Variants in RASAL2 observed in about 807,000 individuals in gnomAD.
RASAL2 encodes the protein ras GTPase-activating protein nGAP.
Under a neutral mutation model 128.9 loss-of-function variants are expected in RASAL2, and 58 were observed. The ratio of observed to expected loss-of-function variants is 0.45; its 90% CI spans 0.36 to 0.56. The LOEUF (loss-of-function observed/expected upper bound fraction) is 0.56, where lower values mean the gene tolerates loss of function less well. Among genes scored for constraint, RASAL2 ranks in the 20% least tolerant of loss-of-function variants. The pLI, the probability that RASAL2 is intolerant of heterozygous loss-of-function variation, is 0.00. For synonymous variants in RASAL2, 561 were observed against 580.8 expected, an observed-to-expected ratio of 0.97 and a Z score of 0.49; for missense variants, 1,360 against 1,601.6, an observed-to-expected ratio of 0.85 and a Z score of 2.57.
chr1:178,420,265 A>T (rs1008509123), intron 4 of RASAL2, among the ~76,000 whole-genome samples: 1 of 152,236 alleles, frequency 6.6e-6, no homozygotes, highest in Non-Finnish European at 1.5e-5. Flanking sequence ...TAATATAAAC[A>T]TTAATAAATA....
At chr1:178,241,206 G>A (rs2102051507) in intron 1 of RASAL2, among the ~76,000 whole-genome samples, 1 of 152,142 alleles carries the variant, frequency 6.6e-6, no homozygotes, top group African/African-American at 2.4e-5. Flanking sequence ...TTATTGATGT[G>A]ATTCATATAC....
At chr1:178,155,079 T>C (rs2101884938) in intron 1 of RASAL2, among the ~76,000 whole-genome samples, 1 of 152,258 alleles carries the variant, frequency 6.6e-6, no homozygotes, top group East Asian at 1.9e-4. Context: ...CGCCTTGGCC[T>C]CCCAAAGTGC....
intron 1 of RASAL2, among the ~76,000 whole-genome samples, chr1:178,227,960 C>A (rs899626234): frequency 6.6e-6 from 1 of 152,000 alleles, no homozygotes; most frequent in Non-Finnish European, 1.5e-5. Flanking sequence ...TTCCTAAATT[C>A]ATTATATATA....
intron 16 of RASAL2, among the ~76,000 whole-genome samples, chr1:178,466,576 GAC>G (rs1647727294): frequency 6.6e-6 from 1 of 152,172 alleles, no homozygotes. Context: ...CTCGACATGG[GAC>G]ACACACCTTT....
intron 4 of RASAL2, among the ~76,000 whole-genome samples, chr1:178,399,879 C>T (rs1306820911): frequency 3.3e-5 from 5 of 152,174 alleles, no homozygotes. Flanking sequence ...CTTCGCTCTG[C>T]TGCCAGAGTG....
At chr1:178,095,186 ACT>A (rs1292353366) in intron 1 of RASAL2, among the ~76,000 whole-genome samples, 2 of 152,048 alleles carry the variant, frequency 1.3e-5, no homozygotes, top group Middle Eastern at 3.2e-3. Context: ...CCTGAACCTC[ACT>A]CTCTCTAAAA....
intron 4 of RASAL2, among the ~76,000 whole-genome samples, chr1:178,407,038 G>T (rs1019007768): frequency 1.3e-5 from 2 of 152,052 alleles, no homozygotes; most frequent in East Asian, 3.9e-4. Context: ...CAAAGATTCC[G>T]ATATATCAGA....
At position 178,349,174 on chromosome 1, in the gene RASAL2, A is replaced by G. The variant is rs538984342; in HGVS notation, c.458-40926A>G. 1.5e-3 allele frequency among the ~76,000 whole-genome samples: 228 copies of G among 148,996 alleles called. 3 individuals are homozygous for G. The highest frequency in any genetic ancestry group is 2.3e-3 in the East Asian group (11 of 4,802). ...CGTGGCTCACGCCTGTAATTCCAGCATTTTGGGAGGCTGAGGCGGGCAGAT... is the reference window on the plus strand; with the variant it reads ...CGTGGCTCACGCCTGTAATTCCAGCGTTTTGGGAGGCTGAGGCGGGCAGAT... On this transcript the variant is annotated intron_variant, in intron 3 of 17. Transcript: ENST00000367649.
At chr1:178,205,625 C>T (rs1421146220) in intron 1 of RASAL2, among the ~76,000 whole-genome samples, 3 of 151,814 alleles carry the variant, frequency 2.0e-5, no homozygotes, top group East Asian at 3.9e-4. Flanking sequence ...GGTGTGGTGG[C>T]GGGCGCCTAT....
intron 3 of RASAL2, among the ~76,000 whole-genome samples, chr1:178,342,735 G>A (rs189824391): frequency 2.2e-4 from 33 of 152,176 alleles, no homozygotes; most frequent in Admixed American, 9.8e-4. Context: ...AAAGCAAATC[G>A]TATTCACTGC....
At position 178,117,478 on chromosome 1, in the gene RASAL2, A is replaced by C. The variant is rs138312997; in HGVS notation, c.202+22784A>C. 6.5e-3 allele frequency among the ~76,000 whole-genome samples: 993 copies of C among 152,338 alleles called. 6 individuals are homozygous for C. The highest frequency in any genetic ancestry group is 8.4e-3 in the Admixed American group (128 of 15,304). On this transcript the variant is annotated intron_variant, in intron 1 of 17. Coordinates refer to ENST00000367649, the MANE Select transcript of RASAL2 (RefSeq NM_170692.4). ...TAGTGTGATCTTATAAATAAAGCAC[A>C]ATTAGGATGTGGAATATGCTATGGT...
intron 1 of RASAL2, among the ~76,000 whole-genome samples, chr1:178,155,460 AGC>A (rs1385005321): frequency 3.4e-5 from 5 of 148,632 alleles, no homozygotes; most frequent in Admixed American, 6.7e-5. Flanking sequence ...ATTATAAACC[AGC>A]AAAAAAAAAA....
At chr1:178,465,092 A>G (rs1417784471) in intron 15 of RASAL2, among the ~76,000 whole-genome samples, 1 of 152,034 alleles carries the variant, frequency 6.6e-6, no homozygotes, top group Non-Finnish European at 1.5e-5. Flanking sequence ...CACAGCAACT[A>G]CAGTACAGGA....
intron 8 of RASAL2, among the ~76,000 whole-genome samples, chr1:178,444,031 CTCTTA>C (rs1469267522): frequency 6.6e-6 from 1 of 152,056 alleles, no homozygotes; most frequent in Admixed American, 6.6e-5. Context: ...AATATTTAGT[CTCTTA>C]TCTGGCTTCT....
chr1:178,103,988 CT>C (rs369165714), intron 1 of RASAL2, among the ~76,000 whole-genome samples: 4 of 151,198 alleles, frequency 2.6e-5, no homozygotes, highest in Non-Finnish European at 4.4e-5. Flanking sequence ...AAAGCCCATT[CT>C]TTTTTTTTCC....
At chr1:178,413,160 A>T (rs1311298392) in intron 4 of RASAL2, among the ~76,000 whole-genome samples, 2 of 152,046 alleles carry the variant, frequency 1.3e-5, no homozygotes, top group African/African-American at 4.8e-5. Flanking sequence ...GGGTTTTGCC[A>T]TGTTGGCCAG....
chr1:178,426,271 A>G (rs1320785432), intron 5 of RASAL2, among the ~76,000 whole-genome samples: 1 of 152,194 alleles, frequency 6.6e-6, no homozygotes, highest in Admixed American at 6.5e-5. Flanking sequence ...TGATCAATAG[A>G]TATACAAAAA....
At chr1:178,464,456 C>T in intron 15 of RASAL2, 44 bp downstream of exon 15, 3 of 1,601,572 alleles carry the variant, frequency 1.9e-6, no homozygotes, top group South Asian at 1.1e-5. Flanking sequence ...CCCAAAATGA[C>T]AGGCCACTAA....
At chr1:178,226,426 G>T (rs918001834) in intron 1 of RASAL2, among the ~76,000 whole-genome samples, 1 of 152,080 alleles carries the variant, frequency 6.6e-6, no homozygotes, top group African/African-American at 2.4e-5. Context: ...CATTTTCCCT[G>T]TTTTTATTGT....
Sources: gnomAD v4.1 joint callset for allele counts (sites outside exome capture counted in the v4.1 genomes callset) on GRCh38, gnomAD v4.1.1 for gene constraint, MANE v1.5 for transcripts, NCBI Gene and HGNC (gene_info 2026-07-23, HGNC 2026-07-21) for gene names.